The following TOM1L2 variants were observed in gnomAD, a reference collection of about 807,000 sequenced individuals.
TOM1L2 encodes target of myb1 like 2 membrane trafficking protein, also known as TOM1-like protein 2.
Under a neutral mutation model 67.9 loss-of-function variants are expected in TOM1L2, and 31 were observed. The observed-to-expected ratio is 0.46, with a 90% CI of 0.34 to 0.62. The LOEUF is 0.62. Ranked by LOEUF, TOM1L2 falls within the 20% of genes least tolerant of loss-of-function variation. The pLI, the probability that TOM1L2 is intolerant of heterozygous loss-of-function variation, is 0.01. For missense variants in TOM1L2, 606 were observed against 663.5 expected (o/e 0.91, Z 0.95); for synonymous variants, 256 against 254.0 (o/e 1.01, Z -0.07).
Position 17,848,842 on chromosome 17 carries a change from C to T in TOM1L2, c.1356G>A (p.Glu452=), listed in dbSNP as rs780252990. The T allele has an allele frequency of 1.5e-5, 25 of 1,614,176 alleles. No homozygotes were observed. The highest frequency in any genetic ancestry group is 1.9e-5 in the Non-Finnish European group (23 of 1,180,034). ...CCATACCTTCACTTGTGACACCCTC[C>T]TCCAGATCATCACCCTTCTGTGGGA... The part of the protein sequence containing the change: ...LRTDLKGDDL[E]EGVTSEEFDK... The change falls in exon 14 of 15, where the codon GAG becomes GAA. Residue 452 remains glutamate (E), a synonymous_variant. Transcript: ENST00000379504.
chr17:17,925,069 C>T (rs1164070385), intron 1 of TOM1L2, among the ~76,000 whole-genome samples: 1 of 152,154 alleles, frequency 6.6e-6, no homozygotes, highest in African/African-American at 2.4e-5. Flanking sequence ...ATGTGAGGTG[C>T]CTGCTCTCCC....
chr17:17,864,522 T>C (rs2036740251), intron 10 of TOM1L2, among the ~76,000 whole-genome samples: 1 of 151,266 alleles, frequency 6.6e-6, no homozygotes, highest in South Asian at 2.1e-4. Context: ...TTTTTTTTTT[T>C]CTTTTTTGAG....
At position 17,911,862 on chromosome 17, in the gene TOM1L2, G is replaced by A. The variant is rs1334429171; in HGVS notation, c.53-4331C>T. Among the ~76,000 whole-genome samples, 14 of 147,460 alleles carry A rather than the reference G, an allele frequency of 9.5e-5. No individual in the cohort carries two copies. The Admixed American group carries it at 9.5e-4, about 10-fold the overall frequency. On this transcript the variant is annotated intron_variant, in intron 1 of 14. Coordinates refer to ENST00000379504, the MANE Select transcript of TOM1L2 (RefSeq NM_001082968.2). ...TTAGGGAGTGGTGACGACTCTTAACGAGCATGCTGCCTTCAAGCATCTGTT... is the reference window on the plus strand; with the variant it reads ...TTAGGGAGTGGTGACGACTCTTAACAAGCATGCTGCCTTCAAGCATCTGTT...
At chr17:17,972,207 C>T in intron 1 of TOM1L2, 55 bp downstream of exon 1, 2 of 1,546,838 alleles carry the variant, frequency 1.3e-6, no homozygotes, top group Non-Finnish European at 1.7e-6. Flanking sequence ...GCGGTCCTCA[C>T]CAGCCGGATC....
At chr17:17,951,164 A>G (rs959853002) in intron 1 of TOM1L2, among the ~76,000 whole-genome samples, 3 of 152,156 alleles carry the variant, frequency 2.0e-5, no homozygotes, top group Non-Finnish European at 4.4e-5. Flanking sequence ...ATCCTAGATG[A>G]TAATACCCAC....
At chr17:17,960,582 C>A (rs2041639138) in intron 1 of TOM1L2, among the ~76,000 whole-genome samples, 1 of 152,186 alleles carries the variant, frequency 6.6e-6, no homozygotes, top group Admixed American at 6.5e-5. Context: ...AAGTGATCCT[C>A]CCATCTTGGC....
intron 7 of TOM1L2, among the ~76,000 whole-genome samples, chr17:17,870,088 C>T (rs1366986722): frequency 1.3e-5 from 2 of 152,200 alleles, no homozygotes; most frequent in African/African-American, 4.8e-5. Flanking sequence ...AGTTTACTTA[C>T]ACTTCCAGCA....
At chr17:17,882,610 C>T in intron 6 of TOM1L2, 95 bp downstream of exon 6, 1 of 1,529,092 alleles carries the variant, frequency 6.5e-7, no homozygotes, top group South Asian at 1.2e-5. Context: ...ACACCCAGCA[C>T]AATACCTGGC....
chr17:17,944,247 G>A (rs1180744821), intron 1 of TOM1L2, among the ~76,000 whole-genome samples: 1 of 152,270 alleles, frequency 6.6e-6, no homozygotes, highest in African/African-American at 2.4e-5. Context: ...CCTGGTGAGT[G>A]GACAGGTGAG....
At chr17:17,937,355 C>T (rs978593620) in intron 1 of TOM1L2, among the ~76,000 whole-genome samples, 2 of 152,146 alleles carry the variant, frequency 1.3e-5, no homozygotes, top group Non-Finnish European at 2.9e-5. Context: ...GAAATGGTAG[C>T]CTGTGTGCCA....
intron 2 of TOM1L2, 138 bp from the exon 3 acceptor site, chr17:17,898,812 CTG>C (rs2038707692): frequency 2.5e-6 from 2 of 785,214 alleles, no homozygotes; most frequent in African/African-American, 3.4e-5. Context: ...TGGGAACAAA[CTG>C]AATGTCCATC....
chr17:17,860,165 G>A (rs1391916361), intron 12 of TOM1L2: 2 of 152,308 alleles, frequency 1.3e-5, no homozygotes, highest in Admixed American at 1.3e-4. Flanking sequence ...GGTTGGCCAC[G>A]AGGAGGGGAT....
rs772504166 is a variant in TOM1L2, at chr17:17,847,722, C to G, written c.1437G>C (p.Ser479=). The G allele has an allele frequency of 6.2e-7, 1 of 1,613,914 alleles. No homozygotes were observed. ...CTGGGGCAGGAGCCTCCATGGGGGG[C>G]GAGGGGAGGTCGGGAACCATTTCAG... ...KAAEMVPDLP[S]PPMEAPAPAS... is the part of the protein sequence containing the mutation. Residue 479 remains serine, a synonymous_variant, in exon 15 of 15, where the codon TCG becomes TCC. Coordinates refer to ENST00000379504, the MANE Select transcript of TOM1L2 (RefSeq NM_001082968.2).
chr17:17,968,978 C>G (rs1206000787), intron 1 of TOM1L2, among the ~76,000 whole-genome samples: 1 of 152,052 alleles, frequency 6.6e-6, no homozygotes, highest in East Asian at 1.9e-4. Context: ...CTACACCACT[C>G]ATTGTTTCAT....
chr17:17,894,046 C>G (rs1462737676), intron 3 of TOM1L2, among the ~76,000 whole-genome samples: 2 of 152,166 alleles, frequency 1.3e-5, no homozygotes, highest in East Asian at 1.9e-4. Flanking sequence ...AATAATCAGG[C>G]AATTAGTTGG....
At chr17:17,910,381 A>G (rs946602621) in intron 1 of TOM1L2, among the ~76,000 whole-genome samples, 1 of 152,176 alleles carries the variant, frequency 6.6e-6, no homozygotes, top group Non-Finnish European at 1.5e-5. Context: ...ACTTGGCAGT[A>G]GTGCAATGCA....
At chr17:17,916,580 A>G (rs761653220) in intron 1 of TOM1L2, among the ~76,000 whole-genome samples, 6 of 152,216 alleles carry the variant, frequency 3.9e-5, no homozygotes, top group Admixed American at 3.3e-4. Context: ...AATTGACCAT[A>G]TACGGGAGAG....
At chr17:17,869,155 A>C in intron 8 of TOM1L2, 185 bp downstream of exon 8, 1 of 1,123,450 alleles carries the variant, frequency 8.9e-7, no homozygotes, top group Non-Finnish European at 1.2e-6. Context: ...TCTGCTGCTC[A>C]GTTCCCAGGA....
chr17:17,928,599 G>A (rs1177550797), intron 1 of TOM1L2, among the ~76,000 whole-genome samples: 2 of 152,172 alleles, frequency 1.3e-5, no homozygotes, highest in Non-Finnish European at 2.9e-5. Flanking sequence ...ATGCACACAC[G>A]AGATGAATTA....
Sources: allele counts gnomAD v4.1 joint callset (sites outside exome capture counted in the v4.1 genomes callset), GRCh38; gene constraint gnomAD v4.1.1; transcripts MANE v1.5; gene names NCBI Gene and HGNC (gene_info 2026-07-23, HGNC 2026-07-21).